The following RALGAPA1 variants were observed in gnomAD, a reference collection of about 807,000 sequenced individuals.
RALGAPA1 encodes the protein ral GTPase-activating protein subunit alpha-1.
In RALGAPA1, 52 loss-of-function variants were observed where a neutral mutation model predicts 269.6. The observed-to-expected ratio is 0.19, with a 90% CI of 0.15 to 0.24. RALGAPA1 has a LOEUF of 0.24. Ranked by LOEUF, RALGAPA1 falls within the 10% of genes least tolerant of loss-of-function variation. The pLI is 1.00. For missense variants in RALGAPA1, 1,917 were observed against 3,013.9 expected (o/e 0.64, Z 8.52); for synonymous variants, 817 against 1,008.3 (o/e 0.81, Z 3.60).
Position 35,721,790 on chromosome 14 carries a change from G to A in RALGAPA1, c.2164C>T (p.Arg722Cys), listed in dbSNP as rs769180156. 20 of 1,612,034 alleles carry A rather than the reference G, an allele frequency of 1.2e-5. No homozygotes were observed. Among genetic ancestry groups the A allele is most frequent in the East Asian group, 2.2e-5 (1 of 44,854 alleles). ...ATTGGGGCTTGGCCAGGCTGATCAC[G>A]ACTCCATCCTCTAGAAAATGACTTG... ...VDKSFSRGWS[R>C]DQPGQAPMRQ... Residue 722 changes from arginine to cysteine, a missense_variant, in exon 16 of 42, where the codon CGT (arginine) becomes TGT (cysteine). By Grantham distance (180) the Arg-to-Cys change is radical. Coordinates refer to ENST00000680220, the MANE Select transcript of RALGAPA1 (RefSeq NM_001346249.2).
At chr14:35,784,505 G>A (rs760662908) in intron 1 of RALGAPA1, among the ~76,000 whole-genome samples, 5 of 151,984 alleles carry the variant, frequency 3.3e-5, no homozygotes, top group African/African-American at 4.8e-5. Flanking sequence ...ATGAGTTTCC[G>A]TTTCTTTTCC....
intron 39 of RALGAPA1, among the ~76,000 whole-genome samples, chr14:35,556,652 G>C (rs1427562116): frequency 6.6e-6 from 1 of 152,174 alleles, no homozygotes. Flanking sequence ...GCTGTGATTT[G>C]TCAGAGCAGA....
intron 35 of RALGAPA1, among the ~76,000 whole-genome samples, chr14:35,624,036 G>A (rs1489060893): frequency 5.3e-5 from 8 of 150,062 alleles, no homozygotes; most frequent in African/African-American, 1.2e-4. Context: ...GCAGTGAGCC[G>A]AGATCGCACC....
chr14:35,634,544 C>T lies in RALGAPA1; in HGVS notation c.5995+30G>A, dbSNP rs1468198646. 6 of 1,549,918 alleles carry T rather than the reference C, an allele frequency of 3.9e-6. No individual in the cohort carries two copies. The East Asian group carries it at 9.2e-5, about 24-fold the overall frequency. On this transcript the variant is annotated intron_variant, in intron 33 of 41. Coordinates refer to ENST00000680220, the MANE Select transcript of RALGAPA1 (RefSeq NM_001346249.2). ...TTATACCTTGAGAGAACCCAAGCAA[C>T]AATATTGTCCTGAACAGAATTCATG...
intron 41 of RALGAPA1, among the ~76,000 whole-genome samples, chr14:35,544,183 TC>T (rs1440828902): frequency 6.6e-6 from 1 of 152,198 alleles, no homozygotes; most frequent in Non-Finnish European, 1.5e-5. Context: ...CTCATACTTC[TC>T]CCCTGGCAAC....
chr14:35,660,649 T>C (rs181695585), intron 27 of RALGAPA1, among the ~76,000 whole-genome samples: 41 of 152,234 alleles, frequency 2.7e-4, no homozygotes, highest in African/African-American at 9.9e-4. Context: ...TGTACTCCTA[T>C]GTTCATTGCA....
At position 35,683,608 on chromosome 14, in the gene RALGAPA1, CAG is replaced by C. The variant is rs1041291883; in HGVS notation, c.4471+199_4471+200del. 2.2e-5 allele frequency: 10 copies of C among 460,356 alleles called. No homozygotes were observed. In the Admixed American group the frequency reaches 3.7e-4, roughly 17 times the overall value. 28.5% of individuals were successfully genotyped at this position (460,356 alleles called of 1,614,324 possible). ...TATTGCATAAAATACTACAAGTTCA[CAG>C]AGTCCTCTGAAGCTTAACCCAGTGG... is the stretch of plus-strand genomic sequence containing the variant. On this transcript the variant is annotated intron_variant, in intron 21 of 41. Coordinates refer to ENST00000680220, the MANE Select transcript of RALGAPA1 (RefSeq NM_001346249.2).
intron 27 of RALGAPA1, among the ~76,000 whole-genome samples, chr14:35,660,413 G>A (rs547356850): frequency 1.3e-5 from 2 of 151,940 alleles, no homozygotes; most frequent in South Asian, 4.2e-4. Flanking sequence ...CAATAGCATC[G>A]AAAACATCAA....
At chr14:35,721,455 T>C (rs1260431280) in intron 16 of RALGAPA1, among the ~76,000 whole-genome samples, 1 of 152,126 alleles carries the variant, frequency 6.6e-6, no homozygotes, top group Non-Finnish European at 1.5e-5. Flanking sequence ...ATTAGGGCTC[T>C]CTACAGTAAA....
At chr14:35,770,708 T>C (rs1432664171) in intron 4 of RALGAPA1, among the ~76,000 whole-genome samples, 1 of 152,220 alleles carries the variant, frequency 6.6e-6, no homozygotes, top group Admixed American at 6.5e-5. Context: ...ATCATCAATG[T>C]TAATGTATCA....
At chr14:35,539,744 G>A in intron 41 of RALGAPA1, 54 bp from the exon 42 acceptor site, 1 of 1,591,558 alleles carries the variant, frequency 6.3e-7, no homozygotes, top group Admixed American at 1.8e-5. Context: ...CATCCCCTGA[G>A]AAATAATCTT....
At chr14:35,643,289 A>T (rs2062155507) in intron 31 of RALGAPA1, among the ~76,000 whole-genome samples, 1 of 152,138 alleles carries the variant, frequency 6.6e-6, no homozygotes, top group Non-Finnish European at 1.5e-5. Flanking sequence ...TATGTAACAA[A>T]CCTGCACATT....
chr14:35,746,778 G>A (rs1358051268), intron 10 of RALGAPA1, among the ~76,000 whole-genome samples: 3 of 152,056 alleles, frequency 2.0e-5, no homozygotes, highest in Middle Eastern at 3.4e-3. Flanking sequence ...ATGTTGGGGG[G>A]AAAATCAGAC....
intron 4 of RALGAPA1, among the ~76,000 whole-genome samples, chr14:35,770,476 T>C (rs2074529581): frequency 6.6e-6 from 1 of 150,518 alleles, no homozygotes; most frequent in South Asian, 2.1e-4. Flanking sequence ...AAAAAGTAAC[T>C]GTACTCATTC....
At chr14:35,698,132 T>A (rs1386639044) in intron 17 of RALGAPA1, among the ~76,000 whole-genome samples, 1 of 152,194 alleles carries the variant, frequency 6.6e-6, no homozygotes, top group East Asian at 1.9e-4. Flanking sequence ...AAATTTATCA[T>A]AGAAGGCATA....
At chr14:35,685,250 A>G in intron 19 of RALGAPA1, 105 bp from the exon 20 acceptor site, 2 of 980,830 alleles carry the variant, frequency 2.0e-6, no homozygotes, top group Non-Finnish European at 3.0e-6. Context: ...TGAGATTTAG[A>G]GGCTGAAGTA....
intron 1 of RALGAPA1, among the ~76,000 whole-genome samples, chr14:35,799,741 C>T (rs1308201664): frequency 2.6e-5 from 4 of 151,978 alleles, no homozygotes; most frequent in Non-Finnish European, 5.9e-5. Flanking sequence ...AAACTCAAAC[C>T]TAACCATATC....
At chr14:35,786,620 CA>C (rs951552353) in intron 1 of RALGAPA1, among the ~76,000 whole-genome samples, 2 of 148,996 alleles carry the variant, frequency 1.3e-5, no homozygotes, top group South Asian at 2.1e-4. Flanking sequence ...CACTCCGTCT[CA>C]AAAAAAAACA....
chr14:35,688,683 C>G lies in RALGAPA1; in HGVS notation c.3728G>C (p.Gly1243Ala). ...ACTACCTAATTGACTACTTGCAATT[C>G]CTTCTTTTTGTAATATGGTGGTGGG... ...EIPTTILQKE[G>A]IASSQLGSRS... The change falls in exon 18 of 42, where the codon GGA (glycine) becomes GCA (alanine). Residue 1243 changes from glycine (G) to alanine (A), a missense_variant. Gly to Ala is a moderately conservative substitution (Grantham distance 60). Around this residue, in one of 11 missense-constraint regions of RALGAPA1, gnomAD observed 615 missense variants for 790.0 expected, o/e 0.78. Coordinates refer to ENST00000680220, the MANE Select transcript of RALGAPA1 (RefSeq NM_001346249.2). 1 of 1,486,510 alleles carries G rather than the reference C, an allele frequency of 6.7e-7. No individual in the cohort carries two copies. Among genetic ancestry groups the G allele is most frequent in the Non-Finnish European group, 8.9e-7 (1 of 1,126,308 alleles). 92.1% of individuals were successfully genotyped at this position (1,486,510 alleles called of 1,614,324 possible). A position where few individuals can be genotyped will look rare whatever the true frequency, so the allele number is the denominator to read the frequency against.
Sources: allele counts gnomAD v4.1 joint callset (sites outside exome capture counted in the v4.1 genomes callset), GRCh38; gene constraint gnomAD v4.1.1; regional missense constraint gnomAD v4.1.1; transcripts MANE v1.5; gene names NCBI Gene and HGNC (gene_info 2026-07-23, HGNC 2026-07-21).